The following RERE variants were observed in gnomAD, a reference collection of about 807,000 sequenced individuals.
The protein encoded by RERE is arginine-glutamic acid dipeptide repeats protein.
RERE carries 40 observed loss-of-function variants against 146.1 expected under a neutral mutation model. That is an observed-to-expected ratio of 0.27 (90% CI 0.21 to 0.36). The LOEUF (loss-of-function observed/expected upper bound fraction) is 0.36, where lower values mean the gene tolerates loss of function less well. RERE is among the 10% of genes least tolerant of loss of function. The pLI is 1.00. For synonymous variants in RERE, 1,003 were observed against 866.0 expected, an observed-to-expected ratio of 1.16 and a Z score of -2.78; for missense variants, 1,933 against 2,138.7, an observed-to-expected ratio of 0.90 and a Z score of 1.90.
At chr1:8,781,127 G>A (rs1005078492) in intron 1 of RERE, among the ~76,000 whole-genome samples, 1 of 151,992 alleles carries the variant, frequency 6.6e-6, no homozygotes, top group Non-Finnish European at 1.5e-5. Context: ...AGAGCCCAAG[G>A]CAGGCGGATC....
intron 10 of RERE, among the ~76,000 whole-genome samples, chr1:8,470,726 G>A (rs1353086732): frequency 6.6e-6 from 1 of 151,196 alleles, no homozygotes; most frequent in Non-Finnish European, 1.5e-5. Flanking sequence ...TTCTAAAGGG[G>A]CACTATCTTC....
At chr1:8,790,850 T>G (rs941123442) in intron 1 of RERE, among the ~76,000 whole-genome samples, 1 of 152,162 alleles carries the variant, frequency 6.6e-6, no homozygotes, top group Non-Finnish European at 1.5e-5. Flanking sequence ...CCTCCCAAAA[T>G]GCTGGGATTA....
chr1:8,657,563 C>T (rs1051717230), intron 1 of RERE, among the ~76,000 whole-genome samples: 2 of 151,950 alleles, frequency 1.3e-5, no homozygotes, highest in Non-Finnish European at 2.9e-5. Context: ...AGATGTATTA[C>T]TGGCCAGGCG....
chr1:8,684,511 T>A (rs1213911870), intron 1 of RERE, among the ~76,000 whole-genome samples: 2 of 152,148 alleles, frequency 1.3e-5, no homozygotes, highest in African/African-American at 4.8e-5. Flanking sequence ...AAGCACTAAG[T>A]ATCAGACACA....
chr1:8,621,305 A>G (rs979611450), intron 3 of RERE, among the ~76,000 whole-genome samples: 9 of 152,146 alleles, frequency 5.9e-5, no homozygotes, highest in African/African-American at 2.2e-4. Context: ...CATAAAATAC[A>G]AAGACCCTTC....
At chr1:8,600,041 G>A (rs981168421) in intron 4 of RERE, among the ~76,000 whole-genome samples, 6 of 152,118 alleles carry the variant, frequency 3.9e-5, no homozygotes, top group African/African-American at 1.2e-4. Context: ...AATGGATCAC[G>A]GCGGCGGTTT....
intron 4 of RERE, among the ~76,000 whole-genome samples, chr1:8,612,992 TC>T (rs1557435045): frequency 6.6e-6 from 1 of 152,232 alleles, no homozygotes; most frequent in Admixed American, 6.5e-5. Context: ...AGTAATTACA[TC>T]AGCAAATATG....
chr1:8,591,315 A>G (rs1474841363), intron 4 of RERE, among the ~76,000 whole-genome samples: 1 of 152,200 alleles, frequency 6.6e-6, no homozygotes, highest in African/African-American at 2.4e-5. Flanking sequence ...AGAATGGTCA[A>G]GAGAAAGATG....
At chr1:8,485,310 G>A (rs1366141125) in intron 10 of RERE, among the ~76,000 whole-genome samples, 7 of 152,250 alleles carry the variant, frequency 4.6e-5, no homozygotes, top group African/African-American at 1.2e-4. Flanking sequence ...GTGGTGAGCC[G>A]AGATCGTGCC....
In RERE at chr1:8,362,777, T is replaced by C. The variant is rs200477297; in HGVS notation, c.1808A>G (p.Asn603Ser). 146 of 1,614,208 alleles carry C rather than the reference T, an allele frequency of 9.0e-5. No individual in the cohort carries two copies. In the East Asian group the frequency reaches 1.0e-3, roughly 11 times the overall value. The part of the protein sequence containing the change: ...ASPDGRTSPI[N>S]EDIRSSGRNS... The stretch of plus-strand genomic sequence containing the variant: ...CCGGCCGCTGGAGCGGATGTCTTCA[T>C]TGATGGGTGAGGTGCGACCATCAGG... The change falls in exon 16 of 23, where the codon AAT becomes AGT. Residue 603 changes from asparagine to serine, a missense_variant. Physicochemically the swap from Asn to Ser is conservative, Grantham distance 46 (BLOSUM62 1). Around this residue, in one of 11 missense-constraint regions of RERE, gnomAD observed 1,255 missense variants for 1,153.8 expected, o/e 1.09. Transcript: ENST00000400908.
rs1645207148 is a variant in RERE at position 8,503,352 on chromosome 1, C to G, written c.879+5275G>C. On this transcript the variant is annotated intron_variant, in intron 8 of 22. Transcript: ENST00000400908. The stretch of plus-strand genomic sequence containing the variant: ...CCAAAATTATATATGCACTTGTCCT[C>G]TAAGTCAGCCATCCCGCTTCTGGGG... Among the ~76,000 whole-genome samples, 2 of 152,178 alleles carry G rather than the reference C, an allele frequency of 1.3e-5. 1 individual carries two copies. The highest frequency in any genetic ancestry group is 4.1e-4 in the South Asian group (2 of 4,828).
At chr1:8,520,738 C>A in intron 7 of RERE, among the ~76,000 whole-genome samples, 1 of 115,792 alleles carries the variant, frequency 8.6e-6, no homozygotes. Context: ...CATGGAGATT[C>A]AGCCAAAAAA....
chr1:8,581,609 A>G (rs753271967), intron 4 of RERE, among the ~76,000 whole-genome samples: 7 of 152,236 alleles, frequency 4.6e-5, no homozygotes, highest in Non-Finnish European at 8.8e-5. Context: ...TCCATCTCAA[A>G]TTAATGTATG....
chr1:8,791,371 C>CAA (rs1641361001), intron 1 of RERE, among the ~76,000 whole-genome samples: 1 of 152,062 alleles, frequency 6.6e-6, no homozygotes, highest in African/African-American at 2.4e-5. Context: ...CATATCTGTT[C>CAA]CCCACTTTTC....
chr1:8,460,570 G>T (rs1644513449), intron 11 of RERE, among the ~76,000 whole-genome samples: 1 of 151,996 alleles, frequency 6.6e-6, no homozygotes. Context: ...AACTATTTTT[G>T]GATAAAAATT....
intron 2 of RERE, among the ~76,000 whole-genome samples, chr1:8,642,067 T>C (rs1274932200): frequency 6.6e-6 from 1 of 152,202 alleles, no homozygotes; most frequent in Non-Finnish European, 1.5e-5. Flanking sequence ...AAAATCAGGA[T>C]ATATTTTATA....
At chr1:8,651,778 C>T (rs550248378) in intron 2 of RERE, among the ~76,000 whole-genome samples, 1 of 152,050 alleles carries the variant, frequency 6.6e-6, no homozygotes, top group East Asian at 1.9e-4. Flanking sequence ...AACTCAACCC[C>T]CATCTGGGAA....
chr1:8,438,057 T>G (rs1423869190), intron 11 of RERE, among the ~76,000 whole-genome samples: 2 of 152,220 alleles, frequency 1.3e-5, no homozygotes. Flanking sequence ...CACAGTTCAC[T>G]GTAACGTGGA....
At chr1:8,518,935 TAAAC>T (rs1342114707) in intron 7 of RERE, among the ~76,000 whole-genome samples, 3 of 152,226 alleles carry the variant, frequency 2.0e-5, no homozygotes, top group South Asian at 2.1e-4. Flanking sequence ...AATAAATAAA[TAAAC>T]AAATAAACAA....
Sources: allele counts gnomAD v4.1 joint callset (sites outside exome capture counted in the v4.1 genomes callset), GRCh38; gene constraint gnomAD v4.1.1; regional missense constraint gnomAD v4.1.1; transcripts MANE v1.5; gene names NCBI Gene and HGNC (gene_info 2026-07-23, HGNC 2026-07-21).